The following MEIOC variants were observed in gnomAD, a reference collection of about 807,000 sequenced individuals.
The protein encoded by MEIOC is meiosis specific with coiled-coil domain.
MEIOC carries 9 observed loss-of-function variants against 85.3 expected under a neutral mutation model. That is an observed-to-expected ratio of 0.11 (90% CI 0.06 to 0.18). The LOEUF is 0.18. Ranked by LOEUF, MEIOC falls within the 10% of genes least tolerant of loss-of-function variation. MEIOC has a pLI of 1.00. For synonymous variants in MEIOC, 365 were observed against 393.7 expected (o/e 0.93, Z 0.86); for missense variants, 898 against 1,129.4 (o/e 0.80, Z 2.94).
At chr17:44,673,341 T>G (rs1972036233) in intron 6 of MEIOC, 25 bp from the exon 7 acceptor site, 1 of 1,516,940 alleles carries the variant, frequency 6.6e-7, no homozygotes, top group Middle Eastern at 1.7e-4. Flanking sequence ...ACATGTCTTA[T>G]CAAAATTTAA....
At chr17:44,657,791 G>A (rs139911479) in intron 2 of MEIOC, among the ~76,000 whole-genome samples, 30 of 152,056 alleles carry the variant, frequency 2.0e-4, no homozygotes, top group Middle Eastern at 3.4e-3. Flanking sequence ...AACCTCGGGT[G>A]ATCCGCGCAC....
intron 2 of MEIOC, 116 bp downstream of exon 2, chr17:44,657,377 ACTTT>A: frequency 3.3e-5 from 28 of 836,668 alleles, no homozygotes; most frequent in African/African-American, 3.8e-5. Context: ...ACCAGGGAAA[ACTTT>A]TTTTTTTTTT....
Position 44,674,796 on chromosome 17 carries a change from C to G in MEIOC, c.*600C>G. On this transcript the variant is annotated 3_prime_UTR_variant, in exon 8 of 8. Coordinates refer to ENST00000409122, the MANE Select transcript of MEIOC (RefSeq NM_001145080.3). Reference sequence around the variant, plus strand: ...ATGCCTAGGTATATGGAGGGAAATGCATCTGATTCTCCTAAATTAATGATA... The same window carrying G: ...ATGCCTAGGTATATGGAGGGAAATGGATCTGATTCTCCTAAATTAATGATA... The G allele has an allele frequency of 1.0e-6, 1 of 983,576 alleles. No homozygotes were observed. Among genetic ancestry groups the G allele is most frequent in the African/African-American group, 1.7e-5 (1 of 57,304 alleles). The allele number at this position is 983,576 out of a possible 1,614,324, so 60.9% of individuals were successfully genotyped here.
chr17:44,661,288 C>CAAAAAAAA (rs1186351387), intron 2 of MEIOC, among the ~76,000 whole-genome samples: 1 of 54,216 alleles, frequency 1.8e-5, no homozygotes, highest in African/African-American at 7.9e-5. Flanking sequence ...ACTCTTGTCT[C>CAAAAAAAA]AAAAAAAAAA....
chr17:44,667,047 A>C lies in MEIOC; in HGVS notation c.1136A>C (p.Gln379Pro), dbSNP rs759372564. Residue 379 changes from glutamine to proline, a missense_variant, in exon 5 of 8, where the codon CAG (glutamine) becomes CCG (proline). Around this residue, in one of 2 missense-constraint regions of MEIOC, gnomAD observed 734 missense variants for 860.1 expected, o/e 0.85. Transcript: ENST00000409122. ...TKLFQVKPAN[Q>P]KKMEETIPDQ... ...TTATTTCAGGTTAAGCCAGCGAATC[A>C]GAAAAAAATGGAGGAGACAATCCCT... 76 of 1,613,714 alleles carry C rather than the reference A, an allele frequency of 4.7e-5. 4 individuals are homozygous for C. In the South Asian group the frequency reaches 8.1e-4, roughly 17 times the overall value.
rs930172470 is a variant in MEIOC at position 44,669,330 on chromosome 17, G to C, written c.2323-53G>C. 87 of 1,394,802 alleles carry C rather than the reference G, an allele frequency of 6.2e-5. No homozygotes were observed. The South Asian group carries it at 6.4e-4, about 10-fold the overall frequency. 86.4% of individuals were successfully genotyped at this position (1,394,802 alleles called of 1,614,324 possible). On this transcript the variant is annotated intron_variant, in intron 5 of 7. Transcript: ENST00000409122. ...AGGCTTACGAAAACTATTATTCATG[G>C]TCGAATCATATTTAGAAAATTCTAC... is the stretch of plus-strand genomic sequence containing the variant.
intron 2 of MEIOC, among the ~76,000 whole-genome samples, chr17:44,661,181 G>A (rs1041161141): frequency 6.6e-6 from 1 of 151,716 alleles, no homozygotes; most frequent in East Asian, 1.9e-4. Context: ...CCAGTTACTT[G>A]GGAGGCTAAG....
chr17:44,675,043 C>G lies in MEIOC; in HGVS notation c.*847C>G, dbSNP rs1972057230. 1 of 984,984 alleles carries G rather than the reference C, an allele frequency of 1.0e-6. No individual in the cohort carries two copies. Among genetic ancestry groups the G allele is most frequent in the Non-Finnish European group, 1.2e-6 (1 of 829,752 alleles). The allele number at this position is 984,984 out of a possible 1,614,324, so 61.0% of individuals were successfully genotyped here. ...TGTTTTAATACCCTTAGTTTGCTGC[C>G]TTTTATGAGGGTGTCACGAAGTTCT... is the stretch of plus-strand genomic sequence containing the variant. On this transcript the variant is annotated 3_prime_UTR_variant, in exon 8 of 8. Transcript: ENST00000409122.
intron 2 of MEIOC, among the ~76,000 whole-genome samples, chr17:44,657,786 C>T (rs904235353): frequency 3.3e-5 from 5 of 152,064 alleles, no homozygotes; most frequent in African/African-American, 9.7e-5. Context: ...CTCCCAACCT[C>T]GGGTGATCCG....
Position 44,666,279 on chromosome 17 carries a change from C to G in MEIOC, c.465-97C>G, listed in dbSNP as rs959766206. 9.2e-5 allele frequency: 92 copies of G among 1,005,086 alleles called. No homozygotes were observed. In the African/African-American group the frequency reaches 1.3e-3, roughly 14 times the overall value. 62.3% of individuals were successfully genotyped at this position (1,005,086 alleles called of 1,614,324 possible). ...GGGATTAGAGAATGGTGACATGGGG[C>G]AAGATAAATGTTTTTGAAGACCTTT... On this transcript the variant is annotated intron_variant, in intron 4 of 7. Coordinates refer to ENST00000409122, the MANE Select transcript of MEIOC (RefSeq NM_001145080.3).
rs1971776195 is a variant in MEIOC, at chr17:44,657,292, G to C, written c.204+31G>C. 7 of 1,535,222 alleles carry C rather than the reference G, an allele frequency of 4.6e-6. 1 individual carries two copies. In the Admixed American group the frequency reaches 1.2e-4, roughly 26 times the overall value. On this transcript the variant is annotated intron_variant, in intron 2 of 7. Transcript: ENST00000409122. ...TTAGTAAACTCTGCCTCTGTTAGAC[G>C]ATTTATTCTCAAATGGATTTACTCG...
rs1054974205 is a variant in MEIOC, at chr17:44,657,211, A to G, written c.154A>G (p.Ser52Gly). ...CAGCAGGTTAACCGACGTCTTCGGC[A>G]GCGTGATGTTGACTGGCTCCGCTTC... ...AGSRLTDVFG[S>G]VMLTGSASFY... The change falls in exon 2 of 8, where the codon AGC becomes GGC. Residue 52 changes from serine (S) to glycine (G), a missense_variant. Ser to Gly is a moderately conservative substitution (Grantham distance 56, BLOSUM62 0). Transcript: ENST00000409122. 1.9e-6 allele frequency: 3 copies of G among 1,551,960 alleles called. No individual in the cohort carries two copies. In the African/African-American group the frequency reaches 4.1e-5, roughly 21 times the overall value.
chr17:44,664,856 G>A (rs1191925793), intron 3 of MEIOC, among the ~76,000 whole-genome samples: 2 of 152,170 alleles, frequency 1.3e-5, no homozygotes, highest in Non-Finnish European at 2.9e-5. Flanking sequence ...ACATTTAAGC[G>A]ACAACTGCAA....
chr17:44,667,680 A>T lies in MEIOC; in HGVS notation c.1769A>T (p.Asp590Val). 6.2e-7 allele frequency: 1 copy of T among 1,613,196 alleles called. No homozygotes were observed. Among genetic ancestry groups the T allele is most frequent in the East Asian group, 2.2e-5 (1 of 44,886 alleles). The change falls in exon 5 of 8, where the codon GAT (aspartate) becomes GTT (valine). Residue 590 changes from aspartate (D) to valine (V), a missense_variant. This residue lies in a region of MEIOC where 734 missense variants were observed against 860.1 expected (regional missense o/e 0.85). Coordinates refer to ENST00000409122, the MANE Select transcript of MEIOC (RefSeq NM_001145080.3). ...KKIKQPNGFCDNYSAQKYGII... is the reference protein window; with the variant it reads ...KKIKQPNGFCVNYSAQKYGII... ...ATAAAGCAGCCAAATGGATTTTGTG[A>T]TAACTATTCAGCTCAGAAGTATGGG...
chr17:44,675,211 G>T lies in MEIOC; in HGVS notation c.*1015G>T. On this transcript the variant is annotated 3_prime_UTR_variant, in exon 8 of 8. Transcript: ENST00000409122. ...GGTTAATCTCTAACTAGTTTAGCTT[G>T]CAATTGGTTAGCCTATATTTTGCGT... is the stretch of plus-strand genomic sequence containing the variant. The T allele has an allele frequency of 1.0e-6, 1 of 984,768 alleles. No homozygotes were observed. Among genetic ancestry groups the T allele is most frequent in the Non-Finnish European group, 1.2e-6 (1 of 829,730 alleles). The allele number at this position is 984,768 out of a possible 1,614,324, so 61.0% of individuals were successfully genotyped here.
intron 3 of MEIOC, among the ~76,000 whole-genome samples, chr17:44,663,019 GTTC>G (rs1971860371): frequency 6.6e-6 from 1 of 152,076 alleles, no homozygotes; most frequent in African/African-American, 2.4e-5. Flanking sequence ...TAAATCTTAA[GTTC>G]TTCTTTCTAA....
chr17:44,666,451 A>G lies in MEIOC; in HGVS notation c.540A>G (p.Thr180=). Residue 180 remains threonine (T), a synonymous_variant, in exon 5 of 8, where the codon ACA becomes ACG. Coordinates refer to ENST00000409122, the MANE Select transcript of MEIOC (RefSeq NM_001145080.3). ...SRFADHHDLL[T]ETKRPIDTVI... ...TTGCAGATCACCATGACCTCTTAAC[A>G]GAAACCAAAAGGCCAATAGATACAG... is the stretch of plus-strand genomic sequence containing the variant. 6.4e-7 allele frequency: 1 copy of G among 1,560,924 alleles called. No individual in the cohort carries two copies. The highest frequency in any genetic ancestry group is 8.7e-7 in the Non-Finnish European group (1 of 1,151,228).
intron 2 of MEIOC, 54 bp downstream of exon 2, chr17:44,657,315 T>G: frequency 6.6e-7 from 1 of 1,511,652 alleles, no homozygotes; most frequent in Non-Finnish European, 9.0e-7. Flanking sequence ...ATGGATTTAC[T>G]CGAGCCACCG....
Position 44,674,970 on chromosome 17 carries a change from T to G in MEIOC, c.*774T>G, listed in dbSNP as rs910356152. ...AAATTGAATCACAAAACATTCCCTT[T>G]ATCTGGATCTTTTAGACTTGATGCA... On this transcript the variant is annotated 3_prime_UTR_variant, in exon 8 of 8. Transcript: ENST00000409122. 1 of 980,814 alleles carries G rather than the reference T, an allele frequency of 1.0e-6. No individual in the cohort carries two copies. The highest frequency in any genetic ancestry group is 1.8e-5 in the African/African-American group (1 of 57,140). The allele number at this position is 980,814 out of a possible 1,614,324, so 60.8% of individuals were successfully genotyped here. A position where few individuals can be genotyped will look rare whatever the true frequency, so the allele number is the denominator to read the frequency against.
Sources: allele counts gnomAD v4.1 joint callset (sites outside exome capture counted in the v4.1 genomes callset), GRCh38; gene constraint gnomAD v4.1.1; regional missense constraint gnomAD v4.1.1; transcripts MANE v1.5; gene names NCBI Gene and HGNC (gene_info 2026-07-23, HGNC 2026-07-21).